Variants in PIEZO2 observed in about 807,000 individuals in gnomAD.
PIEZO2 encodes piezo-type mechanosensitive ion channel component 2.
PIEZO2 carries 172 observed loss-of-function variants against 337.3 expected under a neutral mutation model. That is an observed-to-expected ratio of 0.51 (90% CI 0.45 to 0.58). The LOEUF (loss-of-function observed/expected upper bound fraction) is 0.58. PIEZO2 is among the 20% of genes least tolerant of loss of function. PIEZO2 has a pLI of 0.00. For missense variants in PIEZO2, 3,028 were observed against 3,391.3 expected, an observed-to-expected ratio of 0.89 and a Z score of 2.66; for synonymous variants, 1,251 against 1,228.5, an observed-to-expected ratio of 1.02 and a Z score of -0.38.
At chr18:11,088,659 T>G (rs1318206804) in intron 1 of PIEZO2, among the ~76,000 whole-genome samples, 1 of 152,192 alleles carries the variant, frequency 6.6e-6, no homozygotes, top group East Asian at 1.9e-4. Context: ...GGGGTGATAT[T>G]GATTGGTGTA....
intron 33 of PIEZO2, among the ~76,000 whole-genome samples, chr18:10,737,372 CAAT>C (rs1302938486): frequency 5.3e-5 from 8 of 151,698 alleles, no homozygotes; most frequent in South Asian, 2.1e-4. Flanking sequence ...ACAACAACAA[CAAT>C]GACAGTAACA....
Position 10,672,715 on chromosome 18 carries a change from T to G in PIEZO2, c.8320A>C (p.Ser2774Arg). The G allele has an allele frequency of 6.2e-7, 1 of 1,614,008 alleles. No homozygotes were observed. ...CCATAGCCAGCCAGGAACCCCAGACTTGGGGGACTGACTTTGTCATTGAAG... is the reference window on the plus strand; with the variant it reads ...CCATAGCCAGCCAGGAACCCCAGACGTGGGGGACTGACTTTGTCATTGAAG... ...VVFNDKVSPP[S>R]LGFLAGYGIM... Residue 2774 changes from serine (S) to arginine (R), a missense_variant, in exon 55 of 56, where the codon AGT becomes CGT. Around this residue, in one of 5 missense-constraint regions of PIEZO2, gnomAD observed 332 missense variants for 363.8 expected, o/e 0.91. Transcript: ENST00000674853. This position sits in a 1 kb window ranked among gnomAD's most constrained non-coding sequence, Gnocchi z 4.7.
chr18:10,890,670 A>G (rs264223), intron 4 of PIEZO2: 87,822 of 152,008 alleles, frequency 0.58, 25,660 homozygotes, highest in East Asian at 0.78. Flanking sequence ...AACTGCCCCA[A>G]TGATTCAATT....
intron 3 of PIEZO2, among the ~76,000 whole-genome samples, chr18:10,971,258 G>A (rs368445229): frequency 3.3e-5 from 5 of 152,130 alleles, no homozygotes; most frequent in Non-Finnish European, 7.4e-5. Flanking sequence ...TAATTCTGGC[G>A]ACAGCCTCAG....
At chr18:10,892,690 G>A (rs2042791014) in intron 4 of PIEZO2, among the ~76,000 whole-genome samples, 1 of 152,030 alleles carries the variant, frequency 6.6e-6, no homozygotes, top group South Asian at 2.1e-4. Context: ...CGGGGGTGAG[G>A]GAAGCACAGA....
intron 36 of PIEZO2, among the ~76,000 whole-genome samples, chr18:10,728,829 C>A (rs2036642699): frequency 6.6e-6 from 1 of 151,792 alleles, no homozygotes; most frequent in African/African-American, 2.4e-5. Context: ...GTGGCGGGCG[C>A]CTGTAGTCCC....
intron 36 of PIEZO2, among the ~76,000 whole-genome samples, chr18:10,731,173 AAGATT>A (rs1392647264): frequency 5.0e-5 from 1 of 19,924 alleles, no homozygotes; most frequent in South Asian, 1.4e-3. Context: ...TCCTACTTAA[AAGATT>A]ATATATATAT....
At chr18:10,706,331 C>T (rs191724284) in intron 40 of PIEZO2, among the ~76,000 whole-genome samples, 1 of 152,212 alleles carries the variant, frequency 6.6e-6, no homozygotes, top group Non-Finnish European at 1.5e-5. Context: ...CCTGCTTTTC[C>T]ATCCTTTGCC....
Position 10,724,371 on chromosome 18 carries a change from C to T in PIEZO2, c.5030-6112G>A, listed in dbSNP as rs974965620. Among the ~76,000 whole-genome samples the T allele has an allele frequency of 1.3e-5, 2 of 152,054 alleles. No homozygotes were observed. Among genetic ancestry groups the T allele is most frequent in the African/African-American group, 4.8e-5 (2 of 41,398 alleles). ...AAGACCCTGTCTCAAAAAACAAAAA[C>T]GAAAACAAAAGTGCTTTCTCCTGGC... On this transcript the variant is annotated intron_variant, in intron 36 of 55. Transcript: ENST00000674853. The surrounding 1 kb of genome is among the most constrained non-coding windows in gnomAD (Gnocchi z 5.8).
intron 21 of PIEZO2, 163 bp downstream of exon 21, chr18:10,769,985 C>T: frequency 4.2e-6 from 3 of 707,574 alleles, no homozygotes; most frequent in Non-Finnish European, 6.4e-6. Flanking sequence ...TTTCTCAGTG[C>T]TGCTGACCCT....
chr18:10,736,834 G>A, intron 33 of PIEZO2, 124 bp from the exon 34 acceptor site: 1 of 1,106,604 alleles, frequency 9.0e-7, no homozygotes, highest in Admixed American at 2.8e-5. Context: ...AAAGATGTTG[G>A]CAGAGAGGAA....
At position 10,804,009 on chromosome 18, in the gene PIEZO2, C is replaced by T; in HGVS notation, c.1081-15G>A. 6.5e-7 allele frequency: 1 copy of T among 1,537,200 alleles called. No individual in the cohort carries two copies. The highest frequency in any genetic ancestry group is 2.4e-5 in the East Asian group (1 of 40,918). On this transcript the variant is annotated splice_polypyrimidine_tract_variant and intron_variant, in intron 8 of 55. Transcript: ENST00000674853. Reference sequence around the variant, plus strand: ...TCATCCTGCACCTGAAACACAGAAACAGGATCAGTCTTGCTTCCTGAGGCA... The same window carrying T: ...TCATCCTGCACCTGAAACACAGAAATAGGATCAGTCTTGCTTCCTGAGGCA...
In PIEZO2 at chr18:10,773,377, G is replaced by T; in HGVS notation, c.2785+35C>A. ...TCCTTCACTCAGTCTGACAGCCAGC[G>T]TTCTCTGACCAGCTGCTGGTAGTGG... On this transcript the variant is annotated intron_variant, in intron 20 of 55. Coordinates refer to ENST00000674853, the MANE Select transcript of PIEZO2 (RefSeq NM_001378183.1). This position sits in a 1 kb window ranked among gnomAD's most constrained non-coding sequence, Gnocchi z 5.3. 1 of 1,521,790 alleles carries T rather than the reference G, an allele frequency of 6.6e-7. No homozygotes were observed. The highest frequency in any genetic ancestry group is 1.4e-5 in the African/African-American group (1 of 72,840). 94.3% of individuals were successfully genotyped at this position (1,521,790 alleles called of 1,614,324 possible). A position where few individuals can be genotyped will look rare whatever the true frequency, so the allele number is the denominator to read the frequency against.
Position 10,795,122 on chromosome 18 carries a change from G to C in PIEZO2, c.1528-120C>G. ...CATAATATTCAAACCAGGGAGAGTA[G>C]AGAGTTGTGGTGGAGTGATGGAGAC... On this transcript the variant is annotated intron_variant, in intron 12 of 55. Transcript: ENST00000674853. The surrounding 1 kb of genome is among the most constrained non-coding windows in gnomAD (Gnocchi z 4.4). 5.7e-6 allele frequency: 5 copies of C among 879,752 alleles called. No individual in the cohort carries two copies. In the South Asian group the frequency reaches 8.8e-5, roughly 15 times the overall value. The allele number at this position is 879,752 out of a possible 1,614,324, so 54.5% of individuals were successfully genotyped here.
rs1311869149 is a variant in PIEZO2, at chr18:11,078,850, T to C, written c.65-12628A>G. On this transcript the variant is annotated intron_variant, in intron 1 of 55. Transcript: ENST00000674853. This position sits in a 1 kb window ranked among gnomAD's most constrained non-coding sequence, Gnocchi z 5.3. ...ACATTTCATCGAATCACAGAGTCTGTGTTACTGAGAATGGAGAGGGGTGAA... is the reference window on the plus strand; with the variant it reads ...ACATTTCATCGAATCACAGAGTCTGCGTTACTGAGAATGGAGAGGGGTGAA... Among the ~76,000 whole-genome samples, 1 of 152,216 alleles carries C rather than the reference T, an allele frequency of 6.6e-6. No individual in the cohort carries two copies. Among genetic ancestry groups the C allele is most frequent in the South Asian group, 2.1e-4 (1 of 4,826 alleles).
chr18:10,698,372 C>T (rs1182078667), intron 44 of PIEZO2, among the ~76,000 whole-genome samples: 2 of 151,758 alleles, frequency 1.3e-5, no homozygotes, highest in Non-Finnish European at 2.9e-5. Flanking sequence ...AAGCTTCAGA[C>T]AGGAGCCCCA....
chr18:11,071,150 T>C (rs908673102), intron 1 of PIEZO2, among the ~76,000 whole-genome samples: 1 of 152,140 alleles, frequency 6.6e-6, no homozygotes, highest in Non-Finnish European at 1.5e-5. Flanking sequence ...ATGCACATAT[T>C]TGTTGCTTTC....
At chr18:10,913,249 C>G (rs2030639232) in intron 3 of PIEZO2, among the ~76,000 whole-genome samples, 1 of 152,128 alleles carries the variant, frequency 6.6e-6, no homozygotes, top group Admixed American at 6.5e-5. Flanking sequence ...AAGAGACTGG[C>G]AGAGAATACA....
At chr18:10,920,967 C>T (rs1419788810) in intron 3 of PIEZO2, among the ~76,000 whole-genome samples, 3 of 152,050 alleles carry the variant, frequency 2.0e-5, no homozygotes, top group Admixed American at 6.6e-5. Context: ...GCAGGAGACT[C>T]GCTTGAACCT....
Sources: allele counts gnomAD v4.1 joint callset (sites outside exome capture counted in the v4.1 genomes callset), GRCh38; gene constraint gnomAD v4.1.1; regional missense constraint gnomAD v4.1.1; non-coding constraint Gnocchi (gnomAD v3.1); transcripts MANE v1.5; gene names NCBI Gene and HGNC (gene_info 2026-07-23, HGNC 2026-07-21).